Variants in SELENOS observed in about 807,000 individuals in gnomAD.
The protein encoded by SELENOS is VCP interacting membrane selenoprotein.
Under a neutral mutation model 30.2 loss-of-function variants are expected in SELENOS, and 37 were observed. That is an observed-to-expected ratio of 1.23 (90% CI 0.94 to 1.61). The LOEUF (loss-of-function observed/expected upper bound fraction) is 1.61, where lower values mean the gene tolerates loss of function less well. SELENOS is among the 40% of genes most tolerant of loss of function. The probability of loss-of-function intolerance (pLI) is 0.00; values close to 1 mark genes in which losing one functional copy is unlikely to be tolerated. For missense variants in SELENOS, 289 were observed against 231.8 expected (o/e 1.25, Z -1.60); for synonymous variants, 119 against 91.6 (o/e 1.30, Z -1.71).
Position 101,276,604 on chromosome 15 carries a change from T to C in SELENOS, c.148A>G (p.Lys50Glu), listed in dbSNP as rs753647138. The change falls in exon 2 of 6, where the codon AAG (lysine) becomes GAG (glutamate). Residue 50 changes from lysine to glutamate, a missense_variant. Coordinates refer to ENST00000526049, the MANE Select transcript of SELENOS (RefSeq NM_018445.6). ...AAGGCTCTTAGCCGGGCGGAAAGCT[T>C]CTGAAAGACCACGTAGAGAAGGATG... Reference protein sequence around the residue: ...SCILLYVVFQKLSARLRALRQ... With the variant: ...SCILLYVVFQELSARLRALRQ... 170 of 1,613,730 alleles carry C rather than the reference T, an allele frequency of 1.1e-4. No homozygotes were observed. Among genetic ancestry groups the C allele is most frequent in the Non-Finnish European group, 1.4e-4 (165 of 1,179,862 alleles).
chr15:101,274,151 G>GA, intron 5 of SELENOS: 1 of 524,054 alleles, frequency 1.9e-6, no homozygotes, highest in Non-Finnish European at 3.4e-6. Context: ...ACACTCATCT[G>GA]AAGATTGGCA....
Position 101,277,469 on chromosome 15 carries a change from G to C in SELENOS, c.-52C>G, listed in dbSNP as rs1369412621. ...CCTGCCGCCGCGCCTCCAGCCGGGC[G>C]CTTCCGGTGCGCTCCTACGCACACG... On this transcript the variant is annotated 5_prime_UTR_variant, in exon 1 of 6. Coordinates refer to ENST00000526049, the MANE Select transcript of SELENOS (RefSeq NM_018445.6). 3 of 1,395,302 alleles carry C rather than the reference G, an allele frequency of 2.2e-6. No homozygotes were observed. Among genetic ancestry groups the C allele is most frequent in the Non-Finnish European group, 2.8e-6 (3 of 1,085,580 alleles). 86.4% of individuals were successfully genotyped at this position (1,395,302 alleles called of 1,614,324 possible). A position where few individuals can be genotyped will look rare whatever the true frequency, so the allele number is the denominator to read the frequency against.
downstream of SELENOS, chr15:101,272,120 C>T (rs1277038349): frequency 2.0e-5 from 3 of 152,168 alleles, no homozygotes; most frequent in South Asian, 2.1e-4. Flanking sequence ...TTCAAAATCA[C>T]GGCAGCTGTC....
intron 3 of SELENOS, 24 bp downstream of exon 3, chr15:101,275,231 A>G: frequency 6.6e-7 from 1 of 1,522,938 alleles, no homozygotes; most frequent in Non-Finnish European, 8.8e-7. Flanking sequence ...CTATGCACAC[A>G]TTCAAACTGA....
chr15:101,275,230 C>A, intron 3 of SELENOS, 25 bp downstream of exon 3: 1 of 1,519,942 alleles, frequency 6.6e-7, no homozygotes. Context: ...TCTATGCACA[C>A]ATTCAAACTG....
rs137930152 is a variant in SELENOS at position 101,276,376 on chromosome 15, G to T, written c.211+165C>A. 4.5e-4 allele frequency: 397 copies of T among 884,534 alleles called. 2 individuals carry two copies. In the African/African-American group the frequency reaches 6.0e-3, roughly 13 times the overall value. 54.8% of individuals were successfully genotyped at this position (884,534 alleles called of 1,614,324 possible). The stretch of plus-strand genomic sequence containing the variant: ...TGATTATCCCGCCTCAGCCTCCTGA[G>T]CAGCTGGGACTACAGGTGCGTGCCG... On this transcript the variant is annotated intron_variant, in intron 2 of 5. Transcript: ENST00000526049.
intron 3 of SELENOS, 120 bp from the exon 4 acceptor site, chr15:101,274,801 CTTTAG>C (rs1669108342): frequency 9.3e-7 from 1 of 1,074,676 alleles, no homozygotes; most frequent in Admixed American, 2.7e-5. Flanking sequence ...CCCTCGTTTT[CTTTAG>C]TTAATAAAAC....
chr15:101,275,385 G>A (rs1359837054), intron 2 of SELENOS, 24 bp from the exon 3 acceptor site: 1 of 1,531,578 alleles, frequency 6.5e-7, no homozygotes, highest in Non-Finnish European at 8.8e-7. Context: ...AAAAAATGGA[G>A]ATAAAGCACT....
At chr15:101,274,888 A>G (rs2039307520) in intron 3 of SELENOS, 1 of 609,406 alleles carries the variant, frequency 1.6e-6, no homozygotes, top group African/African-American at 1.9e-5. Flanking sequence ...TAAAGAAAGC[A>G]AAATGTTTCA....
rs772593289 is a variant in SELENOS, at chr15:101,276,647, C to G, written c.105G>C (p.Trp35Cys). 6.2e-7 allele frequency: 1 copy of G among 1,613,342 alleles called. No homozygotes were observed. Among genetic ancestry groups the G allele is most frequent in the Non-Finnish European group, 8.5e-7 (1 of 1,179,710 alleles). Residue 35 changes from tryptophan (W) to cysteine (C), a missense_variant, in exon 2 of 6, where the codon TGG becomes TGC. Coordinates refer to ENST00000526049, the MANE Select transcript of SELENOS (RefSeq NM_018445.6). ...TVGSLLATYG[W>C]YIVFSCILLY... ...GAAGGATGCAGCTGAAGACGATGTA[C>G]CAGCCATAGGTGGCCAGCAGGGAGC...
At chr15:101,274,262 A>C in intron 5 of SELENOS, 158 bp downstream of exon 5, 2 of 798,162 alleles carry the variant, frequency 2.5e-6, no homozygotes, top group Non-Finnish European at 2.1e-6. Context: ...GTGAGGACCT[A>C]GGAGGTGATT....
chr15:101,271,486 G>A (rs954864698), downstream of SELENOS: 4 of 152,274 alleles, frequency 2.6e-5, no homozygotes, highest in African/African-American at 7.2e-5. Flanking sequence ...TAGACTCAAA[G>A]ACTTAAGACT....
At chr15:101,270,856 C>T (rs559984743), downstream of SELENOS, 5 of 152,082 alleles carry the variant, frequency 3.3e-5, no homozygotes, top group South Asian at 1.0e-3. Flanking sequence ...GCAAGTTTCC[C>T]CTCCCCTCCA....
chr15:101,274,301 C>T (rs1157424722), intron 5 of SELENOS, 119 bp downstream of exon 5: 1 of 1,193,262 alleles, frequency 8.4e-7, no homozygotes. Context: ...TGAATCTTCA[C>T]AATCCTAAGG....
chr15:101,275,846 G>T (rs945847633), intron 2 of SELENOS, among the ~76,000 whole-genome samples: 8 of 149,080 alleles, frequency 5.4e-5, no homozygotes, highest in African/African-American at 1.7e-4. Flanking sequence ...GAATAGAAAT[G>T]AACTCATTTC....
chr15:101,274,694 C>A lies in SELENOS; in HGVS notation c.319-13G>T. ...TTTCTTCTTCAAGCTGAGAAACAAT[C>A]ACATTTTACAGAAAGAATTCAGAAG... On this transcript the variant is annotated splice_polypyrimidine_tract_variant and intron_variant, in intron 3 of 5. Coordinates refer to ENST00000526049, the MANE Select transcript of SELENOS (RefSeq NM_018445.6). 1.9e-6 allele frequency: 3 copies of A among 1,604,586 alleles called. No individual in the cohort carries two copies. The highest frequency in any genetic ancestry group is 2.5e-6 in the Non-Finnish European group (3 of 1,176,992).
At chr15:101,276,493 A>T in intron 2 of SELENOS, 48 bp downstream of exon 2, 2 of 1,549,160 alleles carry the variant, frequency 1.3e-6, no homozygotes, top group Non-Finnish European at 1.7e-6. Context: ...CTCTTAATAT[A>T]AAGGAGGTGC....
At chr15:101,276,501 T>G in intron 2 of SELENOS, 40 bp downstream of exon 2, 1 of 1,559,614 alleles carries the variant, frequency 6.4e-7, no homozygotes, top group Non-Finnish European at 8.6e-7. Flanking sequence ...ATAAAGGAGG[T>G]GCAAAACCAC....
chr15:101,275,531 G>T (rs2039316685), intron 2 of SELENOS, among the ~76,000 whole-genome samples, 170 bp from the exon 3 acceptor site: 1 of 152,144 alleles, frequency 6.6e-6, no homozygotes, highest in South Asian at 2.1e-4. Context: ...CTGCTTCAGG[G>T]GGCAGGGGTC....
Sources: gnomAD v4.1 joint callset for allele counts (sites outside exome capture counted in the v4.1 genomes callset) on GRCh38, gnomAD v4.1.1 for gene constraint, MANE v1.5 for transcripts, NCBI Gene and HGNC (gene_info 2026-07-23, HGNC 2026-07-21) for gene names.